Variants in KCNMA1 observed in about 807,000 individuals in gnomAD.
KCNMA1 encodes the protein Calcium-activated potassium channel subunit alpha-1.
Under a neutral mutation model 140.0 loss-of-function variants are expected in KCNMA1, and 29 were observed. The ratio of observed to expected loss-of-function variants is 0.21; its 90% CI spans 0.15 to 0.28. The LOEUF is 0.28. Ranked by LOEUF, KCNMA1 falls within the 10% of genes least tolerant of loss-of-function variation. The pLI is 1.00. For missense variants in KCNMA1, 880 were observed against 1,602.2 expected (o/e 0.55, Z 7.70); for synonymous variants, 612 against 611.9 (o/e 1.00, Z 0.00).
intron 1 of KCNMA1, among the ~76,000 whole-genome samples, chr10:77,547,902 G>A (rs1025088595): frequency 6.6e-6 from 1 of 152,072 alleles, no homozygotes; most frequent in Non-Finnish European, 1.5e-5. Context: ...CATCTGTTCT[G>A]GGGTGTCTGT....
At chr10:77,383,490 G>A (rs2095498018) in intron 2 of KCNMA1, among the ~76,000 whole-genome samples, 2 of 150,738 alleles carry the variant, frequency 1.3e-5, no homozygotes, top group South Asian at 2.1e-4. Flanking sequence ...TAATTTTTAA[G>A]TATACAGCTC....
chr10:77,136,375 A>G (rs2098028371), intron 5 of KCNMA1, among the ~76,000 whole-genome samples: 1 of 152,208 alleles, frequency 6.6e-6, no homozygotes, highest in Non-Finnish European at 1.5e-5. Flanking sequence ...TCGAAATTAA[A>G]ATAGCGATTA....
intron 5 of KCNMA1, among the ~76,000 whole-genome samples, chr10:77,159,063 C>T (rs774993186): frequency 6.6e-6 from 1 of 152,178 alleles, no homozygotes; most frequent in South Asian, 2.1e-4. Flanking sequence ...TTTGAAGCAA[C>T]TGGCTTGGTA....
rs552985346 is a variant in KCNMA1 at position 77,451,243 on chromosome 10, C to T, written c.379-47220G>A. Reference sequence around the variant, plus strand: ...AAGAGGAGCCTGACCAGTGACATCCCGGAATTAAACAGGGGGAGAATCTTC... The same window carrying T: ...AAGAGGAGCCTGACCAGTGACATCCTGGAATTAAACAGGGGGAGAATCTTC... On this transcript the variant is annotated intron_variant, in intron 1 of 27. Coordinates refer to ENST00000286628, the MANE Select transcript of KCNMA1 (RefSeq NM_001161352.2). 4.6e-5 allele frequency among the ~76,000 whole-genome samples: 7 copies of T among 152,240 alleles called. No homozygotes were observed. In the South Asian group the frequency reaches 1.0e-3, roughly 23 times the overall value.
At chr10:77,129,252 T>G (rs945151487) in intron 5 of KCNMA1, among the ~76,000 whole-genome samples, 2 of 152,228 alleles carry the variant, frequency 1.3e-5, no homozygotes, top group Non-Finnish European at 2.9e-5. Context: ...ATCAAGAAGA[T>G]TCTAATGTAC....
chr10:77,634,571 T>C (rs28706743), intron 1 of KCNMA1: 1 of 984,114 alleles, frequency 1.0e-6, no homozygotes, highest in Non-Finnish European at 1.2e-6. Context: ...TCCTCTGGAC[T>C]CCAGCTCTTG....
intron 17 of KCNMA1, chr10:77,012,343 G>C: frequency 2.0e-6 from 3 of 1,469,194 alleles, no homozygotes; most frequent in Non-Finnish European, 2.7e-6. Flanking sequence ...TCATTTTTGA[G>C]AACAGCCTTT....
chr10:76,889,140 C>A (rs1191563443), intron 27 of KCNMA1, among the ~76,000 whole-genome samples: 1 of 152,112 alleles, frequency 6.6e-6, no homozygotes, highest in Non-Finnish European at 1.5e-5. Context: ...ATATTAGGTA[C>A]CAACAGATGT....
intron 1 of KCNMA1, among the ~76,000 whole-genome samples, chr10:77,623,306 A>T (rs2154569974): frequency 6.6e-6 from 1 of 152,332 alleles, no homozygotes; most frequent in South Asian, 2.1e-4. Flanking sequence ...CAGAGTTTTA[A>T]AAACCTCTGC....
chr10:77,063,465 C>T (rs560619130), intron 14 of KCNMA1, among the ~76,000 whole-genome samples: 103 of 152,136 alleles, frequency 6.8e-4, no homozygotes, highest in African/African-American at 2.3e-3. Context: ...AGGTATATCA[C>T]GTAAACTGAA....
At chr10:77,474,902 T>C (rs2098244105) in intron 1 of KCNMA1, among the ~76,000 whole-genome samples, 1 of 152,088 alleles carries the variant, frequency 6.6e-6, no homozygotes, top group African/African-American at 2.4e-5. Context: ...CAATGACCTT[T>C]AAAGAGCCTT....
intron 5 of KCNMA1, among the ~76,000 whole-genome samples, chr10:77,160,669 GATAACA>G (rs1333149415): frequency 6.6e-6 from 1 of 152,190 alleles, no homozygotes; most frequent in African/African-American, 2.4e-5. Context: ...CCAATTCAGA[GATAACA>G]ATAACATCCA....
At chr10:77,207,646 C>T (rs1480935764) in intron 3 of KCNMA1, among the ~76,000 whole-genome samples, 6 of 152,160 alleles carry the variant, frequency 3.9e-5, no homozygotes, top group African/African-American at 9.7e-5. Context: ...ACTGAGTGAA[C>T]GGCTGCTACT....
chr10:77,092,111 G>T (rs1164655785), intron 9 of KCNMA1: 1 of 152,096 alleles, frequency 6.6e-6, no homozygotes, highest in Non-Finnish European at 1.5e-5. Flanking sequence ...GGTTGATGAA[G>T]GTCCCTTAGC....
At chr10:77,619,247 G>A (rs183596798) in intron 1 of KCNMA1, among the ~76,000 whole-genome samples, 6 of 152,122 alleles carry the variant, frequency 3.9e-5, no homozygotes, top group Non-Finnish European at 7.4e-5. Context: ...GGGGTTGGAG[G>A]ATCCACTTCC....
intron 1 of KCNMA1, among the ~76,000 whole-genome samples, chr10:77,461,634 T>TA (rs1424025492): frequency 2.0e-5 from 3 of 152,152 alleles, no homozygotes; most frequent in African/African-American, 7.2e-5. Context: ...AGAGGTTCCT[T>TA]ACTTCCTGCC....
At chr10:77,259,425 GAC>G (rs60661757) in intron 2 of KCNMA1, among the ~76,000 whole-genome samples, 6,798 of 152,090 alleles carry the variant, frequency 0.045, 508 homozygotes, top group African/African-American at 0.16. Flanking sequence ...GAATTCTTAG[GAC>G]ACACATGTAA....
intron 1 of KCNMA1, among the ~76,000 whole-genome samples, chr10:77,560,360 A>G (rs766728736): frequency 1.3e-5 from 2 of 152,222 alleles, no homozygotes; most frequent in African/African-American, 2.4e-5. Context: ...ATACATGAAC[A>G]TAAGTATTGG....
chr10:77,128,363 A>T (rs1596552944), intron 5 of KCNMA1, among the ~76,000 whole-genome samples: 2 of 143,616 alleles, frequency 1.4e-5, no homozygotes, highest in East Asian at 2.1e-4. Flanking sequence ...TTTTTTTAAA[A>T]TTTTTTTGGC....
Sources: allele counts gnomAD v4.1 joint callset (sites outside exome capture counted in the v4.1 genomes callset), GRCh38; gene constraint gnomAD v4.1.1; transcripts MANE v1.5; gene names NCBI Gene and HGNC (gene_info 2026-07-23, HGNC 2026-07-21).